SPAG17: variants seen among roughly 807,000 people sequenced by gnomAD.
SPAG17 encodes sperm associated antigen 17.
Under a neutral mutation model 273.6 loss-of-function variants are expected in SPAG17, and 169 were observed. The observed-to-expected ratio is 0.62, with a 90% CI of 0.55 to 0.70. The LOEUF is 0.70. SPAG17 is among the 30% of genes least tolerant of loss of function. The pLI, the probability that SPAG17 is intolerant of heterozygous loss-of-function variation, is 0.00. For synonymous variants in SPAG17, 825 were observed against 873.2 expected, an observed-to-expected ratio of 0.94 and a Z score of 0.97; for missense variants, 2,557 against 2,627.8, an observed-to-expected ratio of 0.97 and a Z score of 0.59.
At chr1:117,988,670 T>C (rs1319566526) in intron 38 of SPAG17, among the ~76,000 whole-genome samples, 4 of 152,104 alleles carry the variant, frequency 2.6e-5, no homozygotes, top group African/African-American at 9.7e-5. Context: ...CAATGGGAGA[T>C]TAAAAAGAGG....
chr1:118,081,080 C>G (rs766511933), intron 15 of SPAG17, 21 bp downstream of exon 15: 1 of 1,559,392 alleles, frequency 6.4e-7, no homozygotes, highest in South Asian at 1.1e-5. Flanking sequence ...CACACACACA[C>G]ACACACACAC....
intron 3 of SPAG17, among the ~76,000 whole-genome samples, chr1:118,133,410 C>A (rs1366675329): frequency 6.6e-6 from 1 of 151,958 alleles, no homozygotes; most frequent in Non-Finnish European, 1.5e-5. Context: ...CTCAGAAGTA[C>A]CTAGGTGCTT....
At chr1:118,184,976 AAG>A (rs1661119043) in intron 1 of SPAG17, 93 bp downstream of exon 1, 25 of 1,033,426 alleles carry the variant, frequency 2.4e-5, no homozygotes, top group Admixed American at 9.3e-5. Flanking sequence ...AGAGATACGG[AAG>A]AGAGGGCGAG....
At chr1:117,962,606 T>G (rs1653258536) in intron 48 of SPAG17, 1 of 152,160 alleles carries the variant, frequency 6.6e-6, no homozygotes. Context: ...GGCTTATTTT[T>G]AAAAATGTAT....
rs760717334 is a variant in SPAG17 at position 118,086,988 on chromosome 1, ATCT to A, written c.1377_1379del (p.Glu459del). 4.5e-6 allele frequency: 7 copies of A among 1,568,854 alleles called. No homozygotes were observed. Among genetic ancestry groups the A allele is most frequent in the South Asian group, 1.2e-5 (1 of 84,864 alleles). On this transcript the variant is annotated inframe_deletion, in exon 11 of 49. Coordinates refer to ENST00000336338, the MANE Select transcript of SPAG17 (RefSeq NM_206996.4). ...GCTCCCGCAGACTGGGTGGGACGAGATCTTCTTCAGTTGCAACAACCTGTTGAA... is the reference window on the plus strand; with the variant it reads ...GCTCCCGCAGACTGGGTGGGACGAGATCTTCAGTTGCAACAACCTGTTGAA...
At chr1:118,170,024 T>C (rs1331261132) in intron 1 of SPAG17, among the ~76,000 whole-genome samples, 3 of 152,190 alleles carry the variant, frequency 2.0e-5, no homozygotes, top group African/African-American at 4.8e-5. Context: ...AAATGGGTCA[T>C]TGCATAGTTC....
chr1:118,086,596 A>AGCTTC lies in SPAG17; in HGVS notation c.1611+70_1611+74dup, dbSNP rs951761461. 3 of 1,221,534 alleles carry AGCTTC rather than the reference A, an allele frequency of 2.5e-6. No individual in the cohort carries two copies. The African/African-American group carries it at 4.6e-5, about 19-fold the overall frequency. 75.7% of individuals were successfully genotyped at this position (1,221,534 alleles called of 1,614,324 possible). A position where few individuals can be genotyped will look rare whatever the true frequency, so the allele number is the denominator to read the frequency against. ...TTAGTGTTGATGAAGTTATCTAATT[A>AGCTTC]GCTTCTTTCAACTGAATAGTTATAA... On this transcript the variant is annotated intron_variant, in intron 12 of 48. Transcript: ENST00000336338.
At chr1:117,956,410 T>C (rs1299803435) in intron 48 of SPAG17, among the ~76,000 whole-genome samples, 2 of 152,208 alleles carry the variant, frequency 1.3e-5, no homozygotes, top group Non-Finnish European at 2.9e-5. Flanking sequence ...TACATATATA[T>C]TCCTTACAAG....
At chr1:118,154,641 T>A (rs2102357785) in intron 1 of SPAG17, among the ~76,000 whole-genome samples, 1 of 152,104 alleles carries the variant, frequency 6.6e-6, no homozygotes, top group East Asian at 1.9e-4. Context: ...ACAGATTAGA[T>A]TTGGCAAAAT....
chr1:117,975,216 G>A (rs1655003670), intron 43 of SPAG17, among the ~76,000 whole-genome samples: 3 of 152,096 alleles, frequency 2.0e-5, no homozygotes, highest in South Asian at 4.1e-4. Context: ...GGTGGAGGCA[G>A]GGGGGATGTG....
chr1:118,037,324 A>T (rs1649193801), intron 23 of SPAG17, among the ~76,000 whole-genome samples: 1 of 152,214 alleles, frequency 6.6e-6, no homozygotes, highest in African/African-American at 2.4e-5. Context: ...ATAATTTTAA[A>T]ACAAAATTGT....
intron 1 of SPAG17, among the ~76,000 whole-genome samples, chr1:118,183,753 T>C (rs1345177883): frequency 6.6e-6 from 1 of 152,148 alleles, no homozygotes; most frequent in Non-Finnish European, 1.5e-5. Context: ...ACTCCGTTGT[T>C]CAGCAGTTTA....
intron 48 of SPAG17, chr1:117,957,259 C>T (rs2101288508): frequency 1.3e-6 from 2 of 1,533,540 alleles, no homozygotes; most frequent in East Asian, 2.4e-5. Flanking sequence ...AGTACCTTAA[C>T]TGAAGCTGTC....
At chr1:118,017,051 G>A (rs1010463364) in intron 28 of SPAG17, among the ~76,000 whole-genome samples, 4 of 152,178 alleles carry the variant, frequency 2.6e-5, no homozygotes, top group Non-Finnish European at 5.9e-5. Flanking sequence ...ATGTGCAGCA[G>A]GGCATGCATC....
intron 7 of SPAG17, 82 bp downstream of exon 7, chr1:118,097,584 ACTAT>A: frequency 1.8e-6 from 2 of 1,096,914 alleles, no homozygotes; most frequent in Non-Finnish European, 2.5e-6. Flanking sequence ...GCGCTCAGTA[ACTAT>A]CTATGTGATG....
intron 31 of SPAG17, among the ~76,000 whole-genome samples, chr1:118,007,238 C>T (rs1658991974): frequency 1.3e-5 from 2 of 152,112 alleles, no homozygotes; most frequent in African/African-American, 4.8e-5. Context: ...ATAATCTACA[C>T]TGGATGAAGA....
intron 1 of SPAG17, among the ~76,000 whole-genome samples, chr1:118,173,056 A>T (rs1309412540): frequency 6.7e-6 from 1 of 149,382 alleles, no homozygotes. Context: ...AGAATTTATT[A>T]AAAAAAAATC....
At chr1:117,958,676 C>G (rs1451770677) in intron 48 of SPAG17, among the ~76,000 whole-genome samples, 2 of 151,548 alleles carry the variant, frequency 1.3e-5, no homozygotes, top group Non-Finnish European at 2.9e-5. Context: ...AGAGCCTTTG[C>G]AAATGAGTTG....
At chr1:118,123,164 C>T (rs908875846) in intron 3 of SPAG17, among the ~76,000 whole-genome samples, 2 of 152,178 alleles carry the variant, frequency 1.3e-5, no homozygotes, top group African/African-American at 2.4e-5. Flanking sequence ...ATTTTACAGC[C>T]TCCTTTCCTG....
Sources: allele counts gnomAD v4.1 joint callset (sites outside exome capture counted in the v4.1 genomes callset), GRCh38; gene constraint gnomAD v4.1.1; transcripts MANE v1.5; gene names NCBI Gene and HGNC (gene_info 2026-07-23, HGNC 2026-07-21).